Variants in DAAM2 observed in about 807,000 individuals in gnomAD.
DAAM2 encodes dishevelled associated activator of morphogenesis 2.
A neutral mutation model predicts 120.7 loss-of-function variants in DAAM2; 39 were observed. The observed-to-expected ratio is 0.32, with a 90% CI of 0.25 to 0.42. The LOEUF (loss-of-function observed/expected upper bound fraction) is 0.42. Among genes scored for constraint, DAAM2 ranks in the 10% least tolerant of loss-of-function variants. The pLI, the probability that DAAM2 is intolerant of heterozygous loss-of-function variation, is 1.00. For synonymous variants in DAAM2, 488 were observed against 524.9 expected, an observed-to-expected ratio of 0.93 and a Z score of 0.96; for missense variants, 1,283 against 1,401.7, an observed-to-expected ratio of 0.92 and a Z score of 1.35.
At chr6:39,873,413 G>T (rs1239965048) in intron 10 of DAAM2, 58 bp downstream of exon 10, 28 of 1,236,692 alleles carry the variant, frequency 2.3e-5, no homozygotes, top group South Asian at 1.4e-4. Context: ...CTTGGGGCAG[G>T]TTTAGACAAG....
intron 1 of DAAM2, among the ~76,000 whole-genome samples, chr6:39,854,809 G>C (rs1763938234): frequency 6.6e-6 from 1 of 152,188 alleles, no homozygotes; most frequent in South Asian, 2.1e-4. Flanking sequence ...TTATAGAAAA[G>C]AGGGCTAGAT....
At chr6:39,802,089 T>C (rs1761880994) in intron 1 of DAAM2, among the ~76,000 whole-genome samples, 1 of 152,224 alleles carries the variant, frequency 6.6e-6, no homozygotes, top group African/African-American at 2.4e-5. Flanking sequence ...CAGGAAGCAT[T>C]GCACTAGCAG....
At position 39,805,557 on chromosome 6, in the gene DAAM2, ATT is replaced by A. The variant is rs35097341; in HGVS notation, c.-57+13106_-57+13107del. Reference sequence around the variant, plus strand: ...CATGGGAAAGAAGTATCCTAAGGTTATTTTTTTTTTTTTTTGAGACAGAGTCT... The same window carrying A: ...CATGGGAAAGAAGTATCCTAAGGTTATTTTTTTTTTTTTGAGACAGAGTCT... On this transcript the variant is annotated intron_variant, in intron 1 of 24. Coordinates refer to ENST00000274867, the MANE Select transcript of DAAM2 (RefSeq NM_001201427.2). Among the ~76,000 whole-genome samples, 181 of 142,538 alleles carry A rather than the reference ATT, an allele frequency of 1.3e-3. 3 individuals carry two copies. The South Asian group carries it at 0.025, about 19-fold the overall frequency. The allele number at this position is 142,538 out of a possible 152,430, so 93.5% of individuals were successfully genotyped here.
In DAAM2 at chr6:39,896,835, C is replaced by G. The variant is rs1396117257; in HGVS notation, c.2365C>G (p.Leu789Val). 2 of 1,604,814 alleles carry G rather than the reference C, an allele frequency of 1.2e-6. No individual in the cohort carries two copies. The highest frequency in any genetic ancestry group is 2.2e-5 in the South Asian group (2 of 89,856). Residue 789 changes from leucine (L) to valine (V), a missense_variant, in exon 20 of 25, where the codon CTG (leucine) becomes GTG (valine). Physicochemically the swap from Leu to Val is conservative, Grantham distance 32. This residue lies in a region of DAAM2 where 748 missense variants were observed against 768.6 expected (regional missense o/e 0.97). Transcript: ENST00000274867. Reference protein sequence around the residue: ...VEAILLASRELVRSKRLRQML... With the variant: ...VEAILLASREVVRSKRLRQML... ...AGCCATCCTGTTGGCCTCCCGGGAG[C>G]TGGTCCGCAGCAAGCGTCTTAGACA...
chr6:39,814,188 C>CT (rs5875686), intron 1 of DAAM2, among the ~76,000 whole-genome samples: 1,424 of 139,864 alleles, frequency 0.01, 19 homozygotes, highest in African/African-American at 0.034. Context: ...TTCTTTCTTT[C>CT]TTTTTTTTTT....
At position 39,901,869 on chromosome 6, in the gene DAAM2, A is replaced by G. The variant is rs746439970; in HGVS notation, c.3039A>G (p.Ala1013=). The change falls in exon 25 of 25, where the codon GCA becomes GCG. Residue 1013 remains alanine, a synonymous_variant. Coordinates refer to ENST00000274867, the MANE Select transcript of DAAM2 (RefSeq NM_001201427.2). This position sits in a 1 kb window ranked among gnomAD's most constrained non-coding sequence, Gnocchi z 4.5. ...AGCGGCAGCGGAAGGTCCTGGCTGC[A>G]GGCAGCTCGCTGGAGGAGGGAGGAG... The part of the protein sequence containing the change: ...RWQRQRKVLA[A]GSSLEEGGEF... The G allele has an allele frequency of 4.4e-6, 7 of 1,591,766 alleles. No individual in the cohort carries two copies. In the South Asian group the frequency reaches 6.8e-5, roughly 15 times the overall value.
At chr6:39,821,645 GC>G (rs1218585466) in intron 1 of DAAM2, 2 of 152,210 alleles carry the variant, frequency 1.3e-5, no homozygotes, top group Non-Finnish European at 2.9e-5. Flanking sequence ...CTTGGGGATA[GC>G]CCCCCACCTT....
intron 1 of DAAM2, among the ~76,000 whole-genome samples, chr6:39,813,505 G>T (rs944844589): frequency 1.9e-4 from 29 of 152,192 alleles, no homozygotes; most frequent in Admixed American, 1.6e-3. Flanking sequence ...AGTGAGCAGA[G>T]TGTGTGTGGA....
In DAAM2 at chr6:39,878,145, G is replaced by T. The variant is rs1764946871; in HGVS notation, c.1302-58G>T. ...GAGGGTAGAAAGATGATGTCTCCTG[G>T]GAAGCTGTGAATCAATGGTCAACAA... On this transcript the variant is annotated intron_variant, in intron 11 of 24. Transcript: ENST00000274867. This position sits in a 1 kb window ranked among gnomAD's most constrained non-coding sequence, Gnocchi z 5.0. 2 of 1,586,648 alleles carry T rather than the reference G, an allele frequency of 1.3e-6. No individual in the cohort carries two copies. Among genetic ancestry groups the T allele is most frequent in the Non-Finnish European group, 8.6e-7 (1 of 1,158,880 alleles).
chr6:39,817,759 A>G (rs1456327964), intron 1 of DAAM2, among the ~76,000 whole-genome samples: 2 of 152,150 alleles, frequency 1.3e-5, no homozygotes, highest in Non-Finnish European at 2.9e-5. Flanking sequence ...AGTTCCCTTC[A>G]TTGGGGGACC....
chr6:39,886,159 A>G, intron 15 of DAAM2: 1 of 366,036 alleles, frequency 2.7e-6, no homozygotes, highest in Non-Finnish European at 4.9e-6. Context: ...CTAACTGGGG[A>G]GTGGTGGTCG....
At position 39,878,616 on chromosome 6, in the gene DAAM2, G is replaced by A. The variant is rs1240139145; in HGVS notation, c.1545+28G>A. 5.7e-6 allele frequency: 9 copies of A among 1,578,430 alleles called. No homozygotes were observed. Among genetic ancestry groups the A allele is most frequent in the Non-Finnish European group, 7.7e-6 (9 of 1,162,770 alleles). The stretch of plus-strand genomic sequence containing the variant: ...ATGCAAGCATCTCCCCCTTTACATA[G>A]TTGAGCCAAGACCCTGGGCTTCAGG... On this transcript the variant is annotated intron_variant, in intron 13 of 24. Transcript: ENST00000274867. The surrounding 1 kb of genome is among the most constrained non-coding windows in gnomAD (Gnocchi z 5.0).
At chr6:39,831,952 G>A (rs1387187603) in intron 1 of DAAM2, among the ~76,000 whole-genome samples, 9 of 130,732 alleles carry the variant, frequency 6.9e-5, no homozygotes, top group Non-Finnish European at 1.3e-4. Context: ...GGGCACTGGA[G>A]GGTAGGTGCA....
intron 3 of DAAM2, chr6:39,862,805 C>CAAAAAAAAA (rs60238956): frequency 3.6e-4 from 18 of 50,662 alleles, no homozygotes; most frequent in East Asian, 8.5e-4. Flanking sequence ...AACTCCATCT[C>CAAAAAAAAA]AAAAAAAAAA....
intron 1 of DAAM2, among the ~76,000 whole-genome samples, chr6:39,814,776 A>G (rs2114088278): frequency 6.6e-6 from 1 of 152,302 alleles, no homozygotes; most frequent in South Asian, 2.1e-4. Context: ...GTGTGTATCA[A>G]GGAGATTTGA....
chr6:39,806,088 T>C (rs1458798786), intron 1 of DAAM2, among the ~76,000 whole-genome samples: 1 of 152,164 alleles, frequency 6.6e-6, no homozygotes, highest in Non-Finnish European at 1.5e-5. Flanking sequence ...ACAGGGGACA[T>C]ATAGATGAGT....
At chr6:39,861,091 C>T (rs538025871) in intron 3 of DAAM2, 74 bp downstream of exon 3, 38 of 1,049,836 alleles carry the variant, frequency 3.6e-5, no homozygotes, top group Non-Finnish European at 5.1e-5. Flanking sequence ...TTGGCATGCT[C>T]ATGCATTCAC....
intron 13 of DAAM2, 62 bp from the exon 14 acceptor site, chr6:39,879,116 G>A (rs977625746): frequency 2.4e-5 from 26 of 1,063,356 alleles, no homozygotes; most frequent in Middle Eastern, 2.1e-4. Context: ...AATCATGGTG[G>A]GAGACCTGAA....
At chr6:39,889,055 C>A in intron 17 of DAAM2, 1 of 225,970 alleles carries the variant, frequency 4.4e-6, no homozygotes, top group Non-Finnish European at 8.7e-6. Context: ...CTTTGGGAAA[C>A]CTAGAAAACA....
Sources: gnomAD v4.1 joint callset for allele counts (sites outside exome capture counted in the v4.1 genomes callset) on GRCh38, gnomAD v4.1.1 for gene constraint, gnomAD v4.1.1 regional missense constraint, Gnocchi (gnomAD v3.1) non-coding constraint, MANE v1.5 for transcripts, NCBI Gene and HGNC (gene_info 2026-07-23, HGNC 2026-07-21) for gene names.